The following CACNB4 variants were observed in gnomAD, a reference collection of about 807,000 sequenced individuals.
CACNB4 encodes voltage-dependent L-type calcium channel subunit beta-4.
In CACNB4, 32 loss-of-function variants were observed where a neutral mutation model predicts 71.2. The ratio of observed to expected loss-of-function variants is 0.45; its 90% CI spans 0.34 to 0.60. The LOEUF (loss-of-function observed/expected upper bound fraction) is 0.60. Among genes scored for constraint, CACNB4 ranks in the 20% least tolerant of loss-of-function variants. The pLI is 0.01. For synonymous variants in CACNB4, 231 were observed against 236.9 expected (o/e 0.97, Z 0.23); for missense variants, 464 against 647.9 (o/e 0.72, Z 3.08).
chr2:152,079,904 A>G (rs1413768641), intron 2 of CACNB4, among the ~76,000 whole-genome samples: 1 of 152,230 alleles, frequency 6.6e-6, no homozygotes, highest in East Asian at 1.9e-4. Flanking sequence ...TAAGAAATCC[A>G]GATATCATTA....
At chr2:152,070,729 G>T (rs1336564284) in intron 2 of CACNB4, among the ~76,000 whole-genome samples, 1 of 152,108 alleles carries the variant, frequency 6.6e-6, no homozygotes, top group Admixed American at 6.5e-5. Flanking sequence ...CAAACCAATT[G>T]GCACATCCTA....
chr2:151,881,427 C>T (rs13428019), intron 3 of CACNB4, among the ~76,000 whole-genome samples: 32,163 of 152,130 alleles, frequency 0.21, 3,607 homozygotes, highest in Middle Eastern at 0.38. Flanking sequence ...GGTTAGTCAG[C>T]GTCAAAGCTG....
chr2:152,097,128 G>A lies in CACNB4; in HGVS notation c.147+1202C>T, dbSNP rs115131744. ...TCCATAATGTACATGCTTAGTGCTC[G>A]CTGAATTAAATGGTAGTCAAAATTT... On this transcript the variant is annotated intron_variant, in intron 2 of 13. Transcript: ENST00000539935. Among the ~76,000 whole-genome samples the A allele has an allele frequency of 8.7e-3, 1,319 of 152,210 alleles. 26 individuals are homozygous for A. The highest frequency in any genetic ancestry group is 0.03 in the African/African-American group (1,259 of 41,532).
intron 2 of CACNB4, among the ~76,000 whole-genome samples, chr2:151,974,559 A>C (rs1030409838): frequency 6.6e-6 from 1 of 152,224 alleles, no homozygotes; most frequent in African/African-American, 2.4e-5. Context: ...TGAAATGTTT[A>C]ATGCTCTTTA....
At chr2:151,900,987 CTTTCTTTTTTT>C (rs1175893207) in intron 2 of CACNB4, among the ~76,000 whole-genome samples, 65 of 88,726 alleles carry the variant, frequency 7.3e-4, no homozygotes, top group African/African-American at 2.3e-3. Flanking sequence ...TTCTTTCTTT[CTTTCTTTTTTT>C]TTTTTTTTTT....
intron 9 of CACNB4, among the ~76,000 whole-genome samples, chr2:151,862,195 A>G (rs1484491244): frequency 6.6e-6 from 1 of 152,190 alleles, no homozygotes; most frequent in Non-Finnish European, 1.5e-5. Flanking sequence ...AGAATTATCA[A>G]TTACTGAAAC....
chr2:152,007,483 G>A (rs1682794609), intron 2 of CACNB4, among the ~76,000 whole-genome samples: 1 of 152,174 alleles, frequency 6.6e-6, no homozygotes, highest in Admixed American at 6.5e-5. Context: ...TTCCTTTGGG[G>A]CCTGGCTTAT....
chr2:151,935,457 G>C (rs2099862702), intron 2 of CACNB4, among the ~76,000 whole-genome samples: 1 of 152,216 alleles, frequency 6.6e-6, no homozygotes. Flanking sequence ...TGTTGTCTCT[G>C]AATATGTGAA....
At chr2:152,076,724 T>A (rs960513274) in intron 2 of CACNB4, among the ~76,000 whole-genome samples, 1 of 2,002 alleles carries the variant, frequency 5.0e-4, no homozygotes, top group Non-Finnish European at 0.015. Flanking sequence ...ACCCAGATAC[T>A]GATCTCAAAA....
At chr2:151,899,699 G>A (rs1039632383) in intron 2 of CACNB4, among the ~76,000 whole-genome samples, 2 of 152,126 alleles carry the variant, frequency 1.3e-5, no homozygotes, top group Non-Finnish European at 2.9e-5. Flanking sequence ...CGGGTAAGTG[G>A]ACTTCCATAT....
chr2:151,984,160 G>T (rs1187576363), intron 2 of CACNB4, among the ~76,000 whole-genome samples: 1 of 152,060 alleles, frequency 6.6e-6, no homozygotes, highest in East Asian at 1.9e-4. Flanking sequence ...TTAAACCTAC[G>T]AATTGCTTGA....
At chr2:151,890,790 C>A (rs1390625435) in intron 2 of CACNB4, among the ~76,000 whole-genome samples, 1 of 152,184 alleles carries the variant, frequency 6.6e-6, no homozygotes, top group Non-Finnish European at 1.5e-5. Flanking sequence ...GACATGTTCA[C>A]TATTTCTGCA....
intron 2 of CACNB4, among the ~76,000 whole-genome samples, chr2:152,078,110 C>A (rs928694497): frequency 6.6e-6 from 1 of 152,146 alleles, no homozygotes; most frequent in Admixed American, 6.5e-5. Context: ...TGCGATAGAA[C>A]TGACTAGAAG....
intron 2 of CACNB4, among the ~76,000 whole-genome samples, chr2:152,070,122 C>G (rs923640463): frequency 6.6e-5 from 10 of 152,112 alleles, no homozygotes; most frequent in African/African-American, 1.9e-4. Context: ...GGATTACAGG[C>G]GTGAGCCACC....
At chr2:151,860,906 CA>C (rs2099841469) in intron 9 of CACNB4, 86 bp from the exon 10 acceptor site, 1 of 831,248 alleles carries the variant, frequency 1.2e-6, no homozygotes, top group South Asian at 1.4e-5. Flanking sequence ...ACTTAATAAC[CA>C]ATTTACATGC....
At chr2:152,001,775 T>C (rs1403177389) in intron 2 of CACNB4, among the ~76,000 whole-genome samples, 1 of 150,926 alleles carries the variant, frequency 6.6e-6, no homozygotes, top group East Asian at 1.9e-4. Flanking sequence ...CGGAGGATGA[T>C]GTTTACATGA....
chr2:151,865,332 T>C (rs1347622270), intron 9 of CACNB4, among the ~76,000 whole-genome samples: 14 of 152,210 alleles, frequency 9.2e-5, no homozygotes, highest in Admixed American at 9.2e-4. Context: ...TTTTTCCCTT[T>C]ATGTGTTCTT....
intron 2 of CACNB4, among the ~76,000 whole-genome samples, chr2:152,003,381 G>C (rs945040844): frequency 1.3e-5 from 2 of 152,006 alleles, no homozygotes; most frequent in Non-Finnish European, 2.9e-5. Context: ...GGGAGGTGGA[G>C]GTTGCAGTGA....
chr2:151,973,614 A>G, intron 2 of CACNB4: 1 of 1,480,840 alleles, frequency 6.8e-7, no homozygotes, highest in South Asian at 1.1e-5. Context: ...TGGAGGGGAT[A>G]GTGGGAGGAG....
Sources: gnomAD v4.1 joint callset for allele counts (sites outside exome capture counted in the v4.1 genomes callset) on GRCh38, gnomAD v4.1.1 for gene constraint, MANE v1.5 for transcripts, NCBI Gene and HGNC (gene_info 2026-07-23, HGNC 2026-07-21) for gene names.